The following DAB1 variants were observed in gnomAD, a reference collection of about 807,000 sequenced individuals.
The protein encoded by DAB1 is DAB adaptor protein 1.
DAB1 carries 15 observed loss-of-function variants against 64.6 expected under a neutral mutation model. The ratio of observed to expected loss-of-function variants is 0.23; its 90% CI spans 0.16 to 0.36. The LOEUF (loss-of-function observed/expected upper bound fraction) is 0.36, where lower values mean the gene tolerates loss of function less well. Among genes scored for constraint, DAB1 ranks in the 10% least tolerant of loss-of-function variants. The probability of loss-of-function intolerance (pLI) is 1.00; values close to 1 mark genes in which losing one functional copy is unlikely to be tolerated. For missense variants in DAB1, 596 were observed against 706.7 expected, an observed-to-expected ratio of 0.84 and a Z score of 1.78; for synonymous variants, 235 against 251.9, an observed-to-expected ratio of 0.93 and a Z score of 0.64.
chr1:57,756,339 T>C (rs1411082661), intron 6 of DAB1, among the ~76,000 whole-genome samples: 1 of 152,076 alleles, frequency 6.6e-6, no homozygotes, highest in Non-Finnish European at 1.5e-5. Context: ...CACACTGAGA[T>C]ATAGGAGTTC....
intron 2 of DAB1, among the ~76,000 whole-genome samples, chr1:57,243,288 A>G (rs2100486249): frequency 6.6e-6 from 1 of 152,290 alleles, no homozygotes; most frequent in Non-Finnish European, 1.5e-5. Context: ...CTGTGAACGA[A>G]AAAAAGCAGC....
At chr1:57,008,400 T>C (rs1481149899) in intron 14 of DAB1, among the ~76,000 whole-genome samples, 1 of 152,198 alleles carries the variant, frequency 6.6e-6, no homozygotes, top group East Asian at 1.9e-4. Flanking sequence ...CGTGCATTAA[T>C]TGGATATATG....
chr1:57,416,135 T>G (rs2101072892), intron 1 of DAB1, among the ~76,000 whole-genome samples: 1 of 152,312 alleles, frequency 6.6e-6, no homozygotes, highest in South Asian at 2.1e-4. Flanking sequence ...TCACCAATAT[T>G]CTGCCATTCA....
At chr1:58,218,515 T>G (rs946348201) in intron 4 of DAB1, among the ~76,000 whole-genome samples, 1 of 152,136 alleles carries the variant, frequency 6.6e-6, no homozygotes, top group Non-Finnish European at 1.5e-5. Flanking sequence ...TGCATGTGTA[T>G]GTGCAGGAGA....
At chr1:57,911,135 T>A (rs768122960) in intron 5 of DAB1, among the ~76,000 whole-genome samples, 2 of 152,208 alleles carry the variant, frequency 1.3e-5, no homozygotes, top group African/African-American at 2.4e-5. Context: ...AAAAAGGATT[T>A]TATGAAGAAA....
chr1:58,529,857 C>T (rs995854234), intron 1 of DAB1, among the ~76,000 whole-genome samples: 1 of 152,066 alleles, frequency 6.6e-6, no homozygotes, highest in Non-Finnish European at 1.5e-5. Context: ...TGCATAGTTA[C>T]ATGCAAACAC....
At chr1:57,314,035 C>T (rs1212200217) in intron 1 of DAB1, among the ~76,000 whole-genome samples, 1 of 152,184 alleles carries the variant, frequency 6.6e-6, no homozygotes, top group Non-Finnish European at 1.5e-5. Flanking sequence ...ACAAACCACC[C>T]ATTCTATGGC....
chr1:57,934,104 T>TGTGTGTGTGTGTG (rs1557563966), intron 5 of DAB1, among the ~76,000 whole-genome samples: 38 of 149,580 alleles, frequency 2.5e-4, no homozygotes, highest in South Asian at 1.1e-3. Context: ...TGTGTGTGTG[T>TGTGTGTGTGTGTG]TTAGTAGAGA....
intron 6 of DAB1, among the ~76,000 whole-genome samples, chr1:57,803,138 A>G (rs1304250640): frequency 6.6e-6 from 1 of 152,194 alleles, no homozygotes; most frequent in Admixed American, 6.5e-5. Flanking sequence ...ACAAGCCCCA[A>G]AATGAAATTG....
intron 5 of DAB1, among the ~76,000 whole-genome samples, chr1:57,940,437 G>A (rs1413131557): frequency 6.6e-6 from 1 of 152,332 alleles, no homozygotes; most frequent in East Asian, 1.9e-4. Flanking sequence ...GAAAGGCAGG[G>A]CAGAGGTTCA....
intron 4 of DAB1, among the ~76,000 whole-genome samples, chr1:58,174,888 TAAATGCACCAATCAGCACTCTGTAC>T (rs1285841973): frequency 2.0e-5 from 3 of 152,216 alleles, no homozygotes; most frequent in Non-Finnish European, 2.9e-5. Flanking sequence ...TAAAGGATTG[TAAATGCACCAATCAGCACTCTGTAC>T]AAATGCACCA....
intron 5 of DAB1, among the ~76,000 whole-genome samples, chr1:58,102,867 T>C (rs1202907105): frequency 6.6e-6 from 1 of 152,138 alleles, no homozygotes; most frequent in Non-Finnish European, 1.5e-5. Context: ...TACAGTAACC[T>C]CAGGAAAATG....
intron 2 of DAB1, among the ~76,000 whole-genome samples, chr1:58,509,717 T>C (rs1646044888): frequency 6.6e-6 from 1 of 151,282 alleles, no homozygotes; most frequent in Non-Finnish European, 1.5e-5. Context: ...CTAAGAGCTT[T>C]TTGGGGAAAG....
intron 5 of DAB1, among the ~76,000 whole-genome samples, chr1:58,093,202 T>C (rs1430653576): frequency 6.6e-6 from 1 of 152,188 alleles, no homozygotes; most frequent in East Asian, 1.9e-4. Context: ...CCCAGAGCAC[T>C]GAATCTGACA....
chr1:57,769,977 C>T (rs1649485648), intron 6 of DAB1, among the ~76,000 whole-genome samples: 1 of 152,104 alleles, frequency 6.6e-6, no homozygotes. Context: ...AGTCACTGCT[C>T]TACAGTCAGG....
chr1:57,813,110 C>G (rs1651705521), intron 6 of DAB1, among the ~76,000 whole-genome samples: 1 of 152,208 alleles, frequency 6.6e-6, no homozygotes, highest in Non-Finnish European at 1.5e-5. Flanking sequence ...TACACAAAGA[C>G]ATGCTTATAT....
At chr1:58,022,336 G>C (rs1258938292) in intron 5 of DAB1, among the ~76,000 whole-genome samples, 1 of 152,146 alleles carries the variant, frequency 6.6e-6, no homozygotes, top group African/African-American at 2.4e-5. Context: ...CAATGCTGTG[G>C]GGATGCTAGA....
intron 6 of DAB1, among the ~76,000 whole-genome samples, chr1:57,680,756 C>T (rs148296331): frequency 0.019 from 2,857 of 152,284 alleles, 28 homozygotes; most frequent in Non-Finnish European, 0.029. Flanking sequence ...CTTAGTCCAA[C>T]TAGAATGATG....
chr1:57,111,406 C>T (rs949050739), intron 4 of DAB1, among the ~76,000 whole-genome samples: 1 of 152,122 alleles, frequency 6.6e-6, no homozygotes, highest in African/African-American at 2.4e-5. Flanking sequence ...GACAACACAG[C>T]CATTGTTACA....
Sources: allele counts gnomAD v4.1 joint callset (sites outside exome capture counted in the v4.1 genomes callset), GRCh38; gene constraint gnomAD v4.1.1; transcripts MANE v1.5; gene names NCBI Gene and HGNC (gene_info 2026-07-23, HGNC 2026-07-21).